Variants in CEP57 observed in about 807,000 individuals in gnomAD.
CEP57 encodes the protein centrosomal protein 57, also known as centrosomal protein of 57 kDa.
Under a neutral mutation model 68.0 loss-of-function variants are expected in CEP57, and 40 were observed. The ratio of observed to expected loss-of-function variants is 0.59; its 90% CI spans 0.46 to 0.77. CEP57 has a LOEUF of 0.77. Ranked by LOEUF, CEP57 falls within the 30% of genes least tolerant of loss-of-function variation. The pLI is 0.00. For missense variants in CEP57, 606 were observed against 580.7 expected, an observed-to-expected ratio of 1.04 and a Z score of -0.45; for synonymous variants, 219 against 198.7, an observed-to-expected ratio of 1.10 and a Z score of -0.86.
intron 4 of CEP57, among the ~76,000 whole-genome samples, chr11:95,814,357 ATT>A (rs1170474932): frequency 1.5e-4 from 17 of 109,888 alleles, no homozygotes; most frequent in Admixed American, 9.6e-5. Context: ...CCTTGTGTGT[ATT>A]TTTTTTTTTT....
chr11:95,827,568 A>G (rs937513107), intron 8 of CEP57: 26 of 550,868 alleles, frequency 4.7e-5, no homozygotes, highest in South Asian at 3.4e-4. Context: ...TTGCAGCTCA[A>G]TGATGTGTAT....
chr11:95,795,194 G>A (rs1305328363), intron 1 of CEP57, among the ~76,000 whole-genome samples: 2 of 152,084 alleles, frequency 1.3e-5, no homozygotes, highest in Admixed American at 6.5e-5. Context: ...TAACTGATAC[G>A]TTTAGGATAT....
Position 95,802,100 on chromosome 11 carries a change from A to G in CEP57, c.202+2712A>G, listed in dbSNP as rs1017465929. 4.6e-5 allele frequency among the ~76,000 whole-genome samples: 7 copies of G among 152,182 alleles called. No homozygotes were observed. In the East Asian group the frequency reaches 1.3e-3, roughly 29 times the overall value. On this transcript the variant is annotated intron_variant, in intron 2 of 10. Transcript: ENST00000325542. ...TTCAGAAAAGACATTTGTTGGGGAT[A>G]GGGATAAGTGTGTTGGGGAGGTTAA...
intron 10 of CEP57, 55 bp from the exon 11 acceptor site, chr11:95,830,971 A>T: frequency 7.0e-7 from 1 of 1,423,300 alleles, no homozygotes; most frequent in Non-Finnish European, 9.9e-7. Flanking sequence ...TTGTCAGAAA[A>T]AAAATATTTT....
chr11:95,812,560 A>T (rs1198400195), intron 2 of CEP57, among the ~76,000 whole-genome samples: 1 of 151,820 alleles, frequency 6.6e-6, no homozygotes, highest in African/African-American at 2.4e-5. Context: ...CTCCTGCCTC[A>T]GCCTCCCGAG....
Position 95,807,568 on chromosome 11 carries a change from G to A in CEP57, c.203-5364G>A, listed in dbSNP as rs556000843. Among the ~76,000 whole-genome samples, 11 of 152,270 alleles carry A rather than the reference G, an allele frequency of 7.2e-5. No homozygotes were observed. The East Asian group carries it at 1.3e-3, about 19-fold the overall frequency. On this transcript the variant is annotated intron_variant, in intron 2 of 10. Coordinates refer to ENST00000325542, the MANE Select transcript of CEP57 (RefSeq NM_014679.5). ...AACCATGCCATGAGAACTACATGAC[G>A]CATGCACAAGACTCAGTAGCCGATT... is the stretch of plus-strand genomic sequence containing the variant.
intron 5 of CEP57, 108 bp downstream of exon 5, chr11:95,818,011 TGAA>T (rs1361057266): frequency 6.7e-6 from 5 of 745,980 alleles, no homozygotes; most frequent in Admixed American, 2.0e-5. Context: ...GATCTTATAA[TGAA>T]GAAATATATT....
intron 4 of CEP57, among the ~76,000 whole-genome samples, chr11:95,814,922 G>A (rs376924855): frequency 2.0e-5 from 3 of 152,022 alleles, no homozygotes; most frequent in East Asian, 1.9e-4. Context: ...TGGTATTTGC[G>A]TATAACCTAC....
intron 2 of CEP57, among the ~76,000 whole-genome samples, chr11:95,810,322 T>C (rs756592008): frequency 6.6e-5 from 10 of 152,176 alleles, no homozygotes; most frequent in Non-Finnish European, 1.0e-4. Flanking sequence ...ACCATTCCTA[T>C]TGAACATAGT....
At chr11:95,820,884 T>C (rs1862493479) in intron 6 of CEP57, among the ~76,000 whole-genome samples, 1 of 152,184 alleles carries the variant, frequency 6.6e-6, no homozygotes, top group Non-Finnish European at 1.5e-5. Context: ...AGATGCTTCC[T>C]GAGGGTAGAG....
intron 2 of CEP57, among the ~76,000 whole-genome samples, chr11:95,801,749 A>T (rs1861590256): frequency 6.6e-6 from 1 of 152,090 alleles, no homozygotes. Context: ...TTAGCACAGC[A>T]TGTTACTAAT....
chr11:95,822,188 A>C, intron 7 of CEP57: 1 of 594,496 alleles, frequency 1.7e-6, no homozygotes, highest in Non-Finnish European at 3.0e-6. Flanking sequence ...GAACTACAGA[A>C]CACCATACAA....
At position 95,808,412 on chromosome 11, in the gene CEP57, C is replaced by T. The variant is rs568244412; in HGVS notation, c.203-4520C>T. 5.3e-5 allele frequency among the ~76,000 whole-genome samples: 8 copies of T among 152,226 alleles called. No individual in the cohort carries two copies. In the South Asian group the frequency reaches 1.4e-3, roughly 28 times the overall value. ...CAGGCTAAATGCTCCAATTAAAAGA[C>T]ACAGACTGGCAAATTGGATACCAAG... is the stretch of plus-strand genomic sequence containing the variant. On this transcript the variant is annotated intron_variant, in intron 2 of 10. Transcript: ENST00000325542.
intron 2 of CEP57, among the ~76,000 whole-genome samples, chr11:95,807,610 AG>A (rs1450740002): frequency 2.6e-5 from 4 of 152,214 alleles, no homozygotes; most frequent in African/African-American, 9.6e-5. Flanking sequence ...AGTGGAAGAA[AG>A]GGTATCTGTG....
chr11:95,818,013 A>C (rs1312408128), intron 5 of CEP57, 110 bp downstream of exon 5: 1 of 743,970 alleles, frequency 1.3e-6, no homozygotes, highest in East Asian at 2.5e-5. Context: ...TCTTATAATG[A>C]AGAAATATAT....
intron 1 of CEP57, among the ~76,000 whole-genome samples, chr11:95,797,618 G>T (rs954222802): frequency 6.6e-6 from 1 of 152,090 alleles, no homozygotes; most frequent in Non-Finnish European, 1.5e-5. Flanking sequence ...AATTCTAGGA[G>T]TTTTTGAATC....
At chr11:95,807,904 A>G (rs559695446) in intron 2 of CEP57, among the ~76,000 whole-genome samples, 113 of 152,342 alleles carry the variant, frequency 7.4e-4, no homozygotes, top group Non-Finnish European at 2.1e-4. Flanking sequence ...AGCAACTCCA[A>G]GACACATAAT....
intron 1 of CEP57, among the ~76,000 whole-genome samples, chr11:95,797,200 T>A (rs61903283): frequency 0.082 from 9,023 of 109,992 alleles, 370 homozygotes; most frequent in Middle Eastern, 0.24. Context: ...GGAGTCTCAC[T>A]CTCTTGCCTA....
chr11:95,809,563 T>A (rs1861959636), intron 2 of CEP57, among the ~76,000 whole-genome samples: 1 of 152,162 alleles, frequency 6.6e-6, no homozygotes, highest in East Asian at 1.9e-4. Flanking sequence ...CAGCGAATAC[T>A]ATAAACATCT....
Sources: gnomAD v4.1 joint callset for allele counts (sites outside exome capture counted in the v4.1 genomes callset) on GRCh38, gnomAD v4.1.1 for gene constraint, MANE v1.5 for transcripts, NCBI Gene and HGNC (gene_info 2026-07-23, HGNC 2026-07-21) for gene names.